GALNT18: variants seen among roughly 807,000 people sequenced by gnomAD.
GALNT18 encodes the protein polypeptide N-acetylgalactosaminyltransferase 18, also known as GalNAc-transferase 18.
A neutral mutation model predicts 69.5 loss-of-function variants in GALNT18; 44 were observed. The ratio of observed to expected loss-of-function variants is 0.63; its 90% CI spans 0.50 to 0.81. GALNT18 has a LOEUF of 0.81. Among genes scored for constraint, GALNT18 ranks in the 40% least tolerant of loss-of-function variants. GALNT18 has a pLI of 0.00. For missense variants in GALNT18, 715 were observed against 810.0 expected, an observed-to-expected ratio of 0.88 and a Z score of 1.42; for synonymous variants, 364 against 318.2, an observed-to-expected ratio of 1.14 and a Z score of -1.53.
At chr11:11,409,389 C>T (rs1378450863) in intron 3 of GALNT18, among the ~76,000 whole-genome samples, 1 of 152,194 alleles carries the variant, frequency 6.6e-6, no homozygotes, top group Non-Finnish European at 1.5e-5. Context: ...CGCCTCTGCT[C>T]TCTGCACAGT....
In GALNT18 at chr11:11,430,223, C is replaced by A. The variant is rs1855235522; in HGVS notation, c.595+2398G>T. On this transcript the variant is annotated intron_variant, in intron 3 of 10. Coordinates refer to ENST00000227756, the MANE Select transcript of GALNT18 (RefSeq NM_198516.3). This position sits in a 1 kb window ranked among gnomAD's most constrained non-coding sequence, Gnocchi z 4.9. ...ACTGAACCAGAATCTCCTAGGAGAG[C>A]TTTTTGTTTGTTTTAACTTAATATT... is the stretch of plus-strand genomic sequence containing the variant. Among the ~76,000 whole-genome samples, 1 of 152,172 alleles carries A rather than the reference C, an allele frequency of 6.6e-6. No homozygotes were observed. Among genetic ancestry groups the A allele is most frequent in the Non-Finnish European group, 1.5e-5 (1 of 68,038 alleles).
intron 3 of GALNT18, among the ~76,000 whole-genome samples, chr11:11,410,240 C>A (rs1231254907): frequency 6.6e-6 from 1 of 152,200 alleles, no homozygotes; most frequent in Non-Finnish European, 1.5e-5. Context: ...TTTCTAGCCC[C>A]AGGGTCTTGT....
At chr11:11,397,216 G>T (rs927393426) in intron 3 of GALNT18, among the ~76,000 whole-genome samples, 1 of 152,194 alleles carries the variant, frequency 6.6e-6, no homozygotes, top group Admixed American at 6.5e-5. Flanking sequence ...GAGGTGGAAT[G>T]TTGGGAACTG....
chr11:11,381,908 A>T (rs969092178), intron 3 of GALNT18, among the ~76,000 whole-genome samples: 24 of 152,228 alleles, frequency 1.6e-4, no homozygotes, highest in Admixed American at 1.5e-3. Flanking sequence ...ATGGTTTGTT[A>T]TACACAATGG....
chr11:11,552,483 C>T (rs4077215), intron 1 of GALNT18, among the ~76,000 whole-genome samples: 70,577 of 152,152 alleles, frequency 0.46, 19,169 homozygotes, highest in Non-Finnish European at 0.6. Context: ...GTTGTGACAA[C>T]TGGCTATTGA....
At position 11,443,470 on chromosome 11, in the gene GALNT18, T is replaced by C. The variant is rs186626537; in HGVS notation, c.428+5274A>G. On this transcript the variant is annotated intron_variant, in intron 2 of 10. Transcript: ENST00000227756. The stretch of plus-strand genomic sequence containing the variant: ...TACGCCTCTGTAGTCCACACCCCAA[T>C]TGAGACTTGATGTTTCCTTTTCCTC... Among the ~76,000 whole-genome samples, 227 of 152,156 alleles carry C rather than the reference T, an allele frequency of 1.5e-3. 1 individual carries two copies. Among genetic ancestry groups the C allele is most frequent in the Non-Finnish European group, 2.7e-3 (183 of 67,990 alleles).
chr11:11,439,591 C>T lies in GALNT18; in HGVS notation c.429-6804G>A, dbSNP rs1855490190. Among the ~76,000 whole-genome samples, 1 of 152,188 alleles carries T rather than the reference C, an allele frequency of 6.6e-6. No homozygotes were observed. Among genetic ancestry groups the T allele is most frequent in the South Asian group, 2.1e-4 (1 of 4,828 alleles). ...ATCATTTAACAAACGTCAGTGTCTCCACTAGACTATAAGCTGTACAAGGTT... is the reference window on the plus strand; with the variant it reads ...ATCATTTAACAAACGTCAGTGTCTCTACTAGACTATAAGCTGTACAAGGTT... On this transcript the variant is annotated intron_variant, in intron 2 of 10. Coordinates refer to ENST00000227756, the MANE Select transcript of GALNT18 (RefSeq NM_198516.3). This position sits in a 1 kb window ranked among gnomAD's most constrained non-coding sequence, Gnocchi z 4.4.
In GALNT18 at chr11:11,435,726, G is replaced by A. The variant is rs1409640027; in HGVS notation, c.429-2939C>T. ...ACGGCCTACATTTTGAGTGTCTGCC[G>A]CTGATGTCAGACTGCTCCTTTTTCT... On this transcript the variant is annotated intron_variant, in intron 2 of 10. Coordinates refer to ENST00000227756, the MANE Select transcript of GALNT18 (RefSeq NM_198516.3). The surrounding 1 kb of genome is among the most constrained non-coding windows in gnomAD (Gnocchi z 4.4). 2.6e-5 allele frequency among the ~76,000 whole-genome samples: 4 copies of A among 152,106 alleles called. No individual in the cohort carries two copies. The highest frequency in any genetic ancestry group is 6.5e-5 in the Admixed American group (1 of 15,272).
At position 11,621,920 on chromosome 11, in the gene GALNT18, T is replaced by C. The variant is rs1330439058; in HGVS notation, c.-327A>G. 1 of 205,542 alleles carries C rather than the reference T, an allele frequency of 4.9e-6. No individual in the cohort carries two copies. The highest frequency in any genetic ancestry group is 9.7e-6 in the Non-Finnish European group (1 of 103,236). 12.7% of individuals were successfully genotyped at this position (205,542 alleles called of 1,614,324 possible). ...GTGTACGTCTGGGAAACTTTGCCAC[T>C]GCCTGTGTCGGCGGCCACGCCGCTT... On this transcript the variant is annotated 5_prime_UTR_variant, in exon 1 of 11. Coordinates refer to ENST00000227756, the MANE Select transcript of GALNT18 (RefSeq NM_198516.3). This position sits in a 1 kb window ranked among gnomAD's most constrained non-coding sequence, Gnocchi z 9.3.
At chr11:11,473,926 A>T (rs1856330991) in intron 1 of GALNT18, among the ~76,000 whole-genome samples, 1 of 152,100 alleles carries the variant, frequency 6.6e-6, no homozygotes, top group Non-Finnish European at 1.5e-5. Context: ...TTAGCTGGGT[A>T]TATTGGTGCA....
At chr11:11,393,487 T>G (rs1194091038) in intron 3 of GALNT18, among the ~76,000 whole-genome samples, 4 of 152,294 alleles carry the variant, frequency 2.6e-5, no homozygotes, top group Non-Finnish European at 5.9e-5. Context: ...TTGTCAGCTT[T>G]CAGCATGAAC....
Position 11,402,909 on chromosome 11 carries a change from T to G in GALNT18, c.596-23645A>C, listed in dbSNP as rs1052676094. On this transcript the variant is annotated intron_variant, in intron 3 of 10. Transcript: ENST00000227756. The surrounding 1 kb of genome is among the most constrained non-coding windows in gnomAD (Gnocchi z 4.0). The stretch of plus-strand genomic sequence containing the variant: ...TGTTTCTCTTTGGAGTTAGCACAGC[T>G]CTAGAAAGTGGGTGCTTCTTTCTTC... Among the ~76,000 whole-genome samples, 6 of 152,166 alleles carry G rather than the reference T, an allele frequency of 3.9e-5. No homozygotes were observed. The highest frequency in any genetic ancestry group is 9.7e-5 in the African/African-American group (4 of 41,432).
At chr11:11,450,118 T>C (rs187109923) in intron 1 of GALNT18, among the ~76,000 whole-genome samples, 1 of 152,120 alleles carries the variant, frequency 6.6e-6, no homozygotes, top group African/African-American at 2.4e-5. Context: ...TGCTCACAAA[T>C]TCATGAGGGA....
chr11:11,498,884 G>A (rs78707164), intron 1 of GALNT18, among the ~76,000 whole-genome samples: 19,840 of 152,254 alleles, frequency 0.13, 1,656 homozygotes, highest in South Asian at 0.19. Context: ...AGTCAGAGAA[G>A]ATTAAATGGA....
chr11:11,351,969 G>A (rs760116416), intron 6 of GALNT18: 1 of 1,607,230 alleles, frequency 6.2e-7, no homozygotes, highest in Non-Finnish European at 8.5e-7. Context: ...AGTGGCAGCT[G>A]GAACAGGCAT....
Position 11,432,886 on chromosome 11 carries a change from C to T in GALNT18, c.429-99G>A, listed in dbSNP as rs879397029. On this transcript the variant is annotated intron_variant, in intron 2 of 10. Coordinates refer to ENST00000227756, the MANE Select transcript of GALNT18 (RefSeq NM_198516.3). This position sits in a 1 kb window ranked among gnomAD's most constrained non-coding sequence, Gnocchi z 5.8. ...CTGGCTCCAGCTTTGCTGGAGGGCTCGGGAGTCCAGATTCTTCCAAGGGCC... is the reference window on the plus strand; with the variant it reads ...CTGGCTCCAGCTTTGCTGGAGGGCTTGGGAGTCCAGATTCTTCCAAGGGCC... 74 of 1,212,556 alleles carry T rather than the reference C, an allele frequency of 6.1e-5. No homozygotes were observed. Among genetic ancestry groups the T allele is most frequent in the African/African-American group, 4.9e-4 (32 of 65,906 alleles). 75.1% of individuals were successfully genotyped at this position (1,212,556 alleles called of 1,614,324 possible).
intron 9 of GALNT18, among the ~76,000 whole-genome samples, chr11:11,319,645 A>T (rs1001921809): frequency 5.3e-5 from 8 of 152,218 alleles, no homozygotes; most frequent in Non-Finnish European, 1.2e-4. Context: ...CATGGTATAA[A>T]AATCCTTCAG....
At position 11,619,602 on chromosome 11, in the gene GALNT18, C is replaced by T. The variant is rs1332829626; in HGVS notation, c.235+1757G>A. 6.6e-6 allele frequency among the ~76,000 whole-genome samples: 1 copy of T among 152,164 alleles called. No individual in the cohort carries two copies. The highest frequency in any genetic ancestry group is 1.5e-5 in the Non-Finnish European group (1 of 68,022). On this transcript the variant is annotated intron_variant, in intron 1 of 10. Coordinates refer to ENST00000227756, the MANE Select transcript of GALNT18 (RefSeq NM_198516.3). The surrounding 1 kb of genome is among the most constrained non-coding windows in gnomAD (Gnocchi z 4.9). ...ACAAGAGAATCATTTTCCAGGAACA[C>T]ACACACACACAGAATCTGTGAATGA...
At chr11:11,394,013 G>T (rs560555108) in intron 3 of GALNT18, among the ~76,000 whole-genome samples, 2 of 148,482 alleles carry the variant, frequency 1.3e-5, no homozygotes, top group East Asian at 3.9e-4. Flanking sequence ...TGGAGACGGG[G>T]AGTAAGTCAG....
Sources: gnomAD v4.1 joint callset for allele counts (sites outside exome capture counted in the v4.1 genomes callset) on GRCh38, gnomAD v4.1.1 for gene constraint, Gnocchi (gnomAD v3.1) non-coding constraint, MANE v1.5 for transcripts, NCBI Gene and HGNC (gene_info 2026-07-23, HGNC 2026-07-21) for gene names.